The following GLIS3 variants were observed in gnomAD, a reference collection of about 807,000 sequenced individuals.
GLIS3 encodes GLIS family zinc finger 3, also known as zinc finger protein GLIS3.
A neutral mutation model predicts 78.6 loss-of-function variants in GLIS3; 53 were observed. That is an observed-to-expected ratio of 0.67 (90% CI 0.54 to 0.85). The LOEUF (loss-of-function observed/expected upper bound fraction) is 0.85. Ranked by LOEUF, GLIS3 falls within the 40% of genes least tolerant of loss-of-function variation. The pLI is 0.00. For missense variants in GLIS3, 1,703 were observed against 1,231.1 expected (o/e 1.38, Z -5.74); for synonymous variants, 684 against 509.9 (o/e 1.34, Z -4.60).
chr9:4,121,862 A>G (rs557938488), intron 3 of GLIS3, among the ~76,000 whole-genome samples: 1 of 152,320 alleles, frequency 6.6e-6, no homozygotes, highest in East Asian at 1.9e-4. Context: ...TCTTCCTGCA[A>G]TAATATGTTG....
intron 1 of GLIS3, among the ~76,000 whole-genome samples, chr9:4,347,700 T>TTTTG (rs767600699): frequency 6.6e-6 from 1 of 151,618 alleles, no homozygotes; most frequent in Non-Finnish European, 1.5e-5. Flanking sequence ...CATGGTAGCT[T>TTTTG]TTTGTTTGTT....
At chr9:4,365,186 G>A in the GLIS3 span, among the ~76,000 whole-genome samples, 4 of 152,150 alleles carry the variant, frequency 2.6e-5, no homozygotes, top group African/African-American at 9.7e-5. Context: ...GTGGAGAAAG[G>A]TAGTTGGAAT....
At chr9:3,982,229 C>T (rs1464047756) in intron 4 of GLIS3, among the ~76,000 whole-genome samples, 1 of 151,356 alleles carries the variant, frequency 6.6e-6, no homozygotes, top group Non-Finnish European at 1.5e-5. Context: ...TTTTTTCCTA[C>T]ATAGCTACAT....
intron 6 of GLIS3, among the ~76,000 whole-genome samples, chr9:3,910,494 C>G (rs1422672060): frequency 2.0e-5 from 3 of 152,178 alleles, no homozygotes; most frequent in African/African-American, 7.2e-5. Flanking sequence ...AGACCACAGG[C>G]ATGGGCCACC....
chr9:4,042,386 G>A (rs973383390), intron 4 of GLIS3, among the ~76,000 whole-genome samples: 1 of 152,200 alleles, frequency 6.6e-6, no homozygotes. Flanking sequence ...CATTAAAATG[G>A]ATATTCTGAG....
At chr9:3,959,789 G>A (rs1817420805) in intron 4 of GLIS3, among the ~76,000 whole-genome samples, 1 of 152,180 alleles carries the variant, frequency 6.6e-6, no homozygotes, top group African/African-American at 2.4e-5. Context: ...GGTCTTTCCA[G>A]AGGTAACCAA....
At chr9:4,042,079 A>G (rs1824859039) in intron 4 of GLIS3, among the ~76,000 whole-genome samples, 1 of 152,170 alleles carries the variant, frequency 6.6e-6, no homozygotes, top group East Asian at 1.9e-4. Flanking sequence ...AGTCCTCAAT[A>G]AGATTTCTGA....
chr9:4,039,577 G>C (rs1824627558), intron 4 of GLIS3, among the ~76,000 whole-genome samples: 1 of 152,144 alleles, frequency 6.6e-6, no homozygotes, highest in Non-Finnish European at 1.5e-5. Context: ...AATTTTCTAG[G>C]CCATAAAAAT....
intron 2 of GLIS3, among the ~76,000 whole-genome samples, chr9:4,264,948 C>T (rs1224071855): frequency 7.3e-5 from 11 of 151,618 alleles, no homozygotes; most frequent in East Asian, 1.9e-4. Context: ...GGGTGGATCA[C>T]GAGGTCAGGA....
chr9:4,225,252 T>G (rs916190830), intron 2 of GLIS3, among the ~76,000 whole-genome samples: 1 of 152,164 alleles, frequency 6.6e-6, no homozygotes, highest in Non-Finnish European at 1.5e-5. Flanking sequence ...TATACTTCGC[T>G]CTTTAAAATT....
At chr9:3,929,074 A>G (rs774589261) in intron 6 of GLIS3, among the ~76,000 whole-genome samples, 25 of 152,286 alleles carry the variant, frequency 1.6e-4, no homozygotes, top group Admixed American at 3.9e-4. Context: ...TATCAGACAG[A>G]ATTGAAGGAC....
intron 2 of GLIS3, among the ~76,000 whole-genome samples, chr9:4,197,475 C>T (rs1247429811): frequency 6.6e-6 from 1 of 152,162 alleles, no homozygotes; most frequent in African/African-American, 2.4e-5. Context: ...CCACCCCCAA[C>T]TCCATCACCT....
intron 2 of GLIS3, among the ~76,000 whole-genome samples, chr9:4,134,704 T>C (rs1216241924): frequency 2.0e-5 from 3 of 152,228 alleles, no homozygotes; most frequent in African/African-American, 7.2e-5. Context: ...TTATCTAACT[T>C]AGGTGTGCAA....
chr9:4,103,346 C>T (rs2130809345), intron 4 of GLIS3, among the ~76,000 whole-genome samples: 1 of 152,182 alleles, frequency 6.6e-6, no homozygotes, highest in Admixed American at 6.5e-5. Context: ...CAGCCAGTAG[C>T]CATTTCATAT....
At chr9:4,252,358 A>G (rs531976350) in intron 2 of GLIS3, among the ~76,000 whole-genome samples, 90 of 151,762 alleles carry the variant, frequency 5.9e-4, no homozygotes, top group Non-Finnish European at 6.6e-4. Context: ...CATTAAGTTG[A>G]TCTTTAATCT....
At chr9:4,297,304 G>T (rs1056342794) in intron 1 of GLIS3, among the ~76,000 whole-genome samples, 1 of 152,142 alleles carries the variant, frequency 6.6e-6, no homozygotes, top group Admixed American at 6.5e-5. Context: ...TCTCTTAACC[G>T]GGACCTGAGA....
chr9:4,320,567 C>G (rs1242330573), intron 2 of GLIS3, among the ~76,000 whole-genome samples: 2 of 151,742 alleles, frequency 1.3e-5, no homozygotes, highest in Non-Finnish European at 2.9e-5. Flanking sequence ...CTGTTTCTCT[C>G]TATTTCCAAC....
At chr9:4,269,834 GAAAC>G (rs992371960) in intron 2 of GLIS3, among the ~76,000 whole-genome samples, 19 of 152,306 alleles carry the variant, frequency 1.2e-4, no homozygotes, top group African/African-American at 3.6e-4. Flanking sequence ...CAGGACGGGA[GAAAC>G]AAACAAATAT....
chr9:4,309,651 G>C (rs999421562), intron 3 of GLIS3, among the ~76,000 whole-genome samples: 1 of 152,192 alleles, frequency 6.6e-6, no homozygotes, highest in Admixed American at 6.5e-5. Context: ...TTTGATGACT[G>C]ATTTACATAC....
Sources: gnomAD v4.1 joint callset for allele counts (sites outside exome capture counted in the v4.1 genomes callset) on GRCh38, gnomAD v4.1.1 for gene constraint, MANE v1.5 for transcripts, NCBI Gene and HGNC (gene_info 2026-07-23, HGNC 2026-07-21) for gene names.